Variants in GALNTL6 observed in about 807,000 individuals in gnomAD.
The protein encoded by GALNTL6 is polypeptide N-acetylgalactosaminyltransferase like 6, also known as polypeptide N-acetylgalactosaminyltransferase-like 6.
Under a neutral mutation model 73.7 loss-of-function variants are expected in GALNTL6, and 46 were observed. That is an observed-to-expected ratio of 0.62 (90% CI 0.49 to 0.80). The LOEUF (loss-of-function observed/expected upper bound fraction) is 0.80. Among genes scored for constraint, GALNTL6 ranks in the 30% least tolerant of loss-of-function variants. GALNTL6 has a pLI of 0.00. For synonymous variants in GALNTL6, 259 were observed against 263.7 expected (o/e 0.98, Z 0.17); for missense variants, 604 against 755.0 (o/e 0.80, Z 2.34).
intron 5 of GALNTL6, among the ~76,000 whole-genome samples, chr4:172,361,489 AC>A (rs1742367950): frequency 6.6e-6 from 1 of 152,166 alleles, no homozygotes; most frequent in Non-Finnish European, 1.5e-5. Context: ...ACAGTATTTC[AC>A]ATTAATGCTG....
At chr4:172,868,880 CT>C (rs1357949496) in intron 7 of GALNTL6, among the ~76,000 whole-genome samples, 1 of 152,160 alleles carries the variant, frequency 6.6e-6, no homozygotes, top group African/African-American at 2.4e-5. Flanking sequence ...AATCCTGGGA[CT>C]GGAGGGCACT....
At chr4:172,444,093 G>A (rs1731934587) in intron 5 of GALNTL6, among the ~76,000 whole-genome samples, 2 of 152,158 alleles carry the variant, frequency 1.3e-5, no homozygotes, top group South Asian at 4.1e-4. Flanking sequence ...TGGAGATGGT[G>A]AGAGAGAGAA....
At position 172,678,975 on chromosome 4, in the gene GALNTL6, C is replaced by T. The variant is rs575582626; in HGVS notation, c.554-130386C>T. On this transcript the variant is annotated intron_variant, in intron 5 of 12. Coordinates refer to ENST00000506823, the MANE Select transcript of GALNTL6 (RefSeq NM_001034845.3). The stretch of plus-strand genomic sequence containing the variant: ...CAACTACTCAATTTGTCCATAGCAA[C>T]GTGAACACAGCCATGAACAATATAA... Among the ~76,000 whole-genome samples the T allele has an allele frequency of 7.2e-5, 11 of 152,228 alleles. No individual in the cohort carries two copies. The South Asian group carries it at 1.9e-3, about 26-fold the overall frequency.
chr4:171,900,606 G>T (rs1382832849), intron 2 of GALNTL6, among the ~76,000 whole-genome samples: 2 of 151,768 alleles, frequency 1.3e-5, no homozygotes, highest in East Asian at 3.9e-4. Flanking sequence ...GTGTGAGCCA[G>T]CGCTATTTTA....
chr4:171,930,709 T>TCC (rs1738155843), intron 2 of GALNTL6, among the ~76,000 whole-genome samples: 1 of 151,948 alleles, frequency 6.6e-6, no homozygotes, highest in South Asian at 2.1e-4. Flanking sequence ...GGTGGTGGGC[T>TCC]CCTGTAGTCC....
At chr4:172,102,770 A>ATGAG (rs1732554506) in intron 2 of GALNTL6, among the ~76,000 whole-genome samples, 1 of 152,178 alleles carries the variant, frequency 6.6e-6, no homozygotes, top group Non-Finnish European at 1.5e-5. Context: ...TTACTCTGAC[A>ATGAG]CTTCTCGCTA....
chr4:172,421,411 A>G (rs1346162812), intron 5 of GALNTL6, among the ~76,000 whole-genome samples: 3 of 152,074 alleles, frequency 2.0e-5, no homozygotes, highest in Non-Finnish European at 2.9e-5. Flanking sequence ...GTGCTATAAT[A>G]TGCTGGATAC....
intron 5 of GALNTL6, among the ~76,000 whole-genome samples, chr4:172,527,458 G>C (rs1429446510): frequency 1.3e-5 from 2 of 152,172 alleles, no homozygotes; most frequent in Non-Finnish European, 1.5e-5. Context: ...GCTATGGCCA[G>C]GAGAAGACTG....
chr4:172,250,531 T>A (rs1278053872), intron 3 of GALNTL6, among the ~76,000 whole-genome samples: 2 of 152,118 alleles, frequency 1.3e-5, no homozygotes, highest in South Asian at 4.1e-4. Flanking sequence ...TTAATTCCTA[T>A]AATCCCCACA....
chr4:172,348,774 T>G, intron 5 of GALNTL6, 85 bp downstream of exon 5: 1 of 786,206 alleles, frequency 1.3e-6, no homozygotes, highest in African/African-American at 1.8e-5. Context: ...CAATGGGAGC[T>G]TCTTTCTGAT....
intron 3 of GALNTL6, among the ~76,000 whole-genome samples, chr4:172,293,548 T>C (rs2111104793): frequency 6.6e-6 from 1 of 152,208 alleles, no homozygotes; most frequent in Non-Finnish European, 1.5e-5. Flanking sequence ...TAACTAGAAC[T>C]AATGAGAATG....
At chr4:171,856,248 G>T (rs1167888281) in intron 2 of GALNTL6, among the ~76,000 whole-genome samples, 7 of 150,066 alleles carry the variant, frequency 4.7e-5, no homozygotes, top group Non-Finnish European at 1.0e-4. Flanking sequence ...GGTTACAGGT[G>T]CCCACCACCA....
intron 2 of GALNTL6, among the ~76,000 whole-genome samples, chr4:171,990,062 G>A (rs1740290219): frequency 6.6e-6 from 1 of 152,152 alleles, no homozygotes; most frequent in Admixed American, 6.5e-5. Context: ...TTATAGGGTG[G>A]AGGAGTGGAG....
At chr4:172,089,403 C>A (rs1732134977) in intron 2 of GALNTL6, among the ~76,000 whole-genome samples, 1 of 152,124 alleles carries the variant, frequency 6.6e-6, no homozygotes, top group Non-Finnish European at 1.5e-5. Context: ...CATGCACAAG[C>A]CATCACGGTG....
At chr4:172,069,518 A>ATGTG in intron 2 of GALNTL6, among the ~76,000 whole-genome samples, 1 of 42,322 alleles carries the variant, frequency 2.4e-5, no homozygotes, top group Non-Finnish European at 5.8e-5. Flanking sequence ...CATATATGTT[A>ATGTG]TATGTATAAC....
At chr4:171,969,727 G>C (rs1410273671) in intron 2 of GALNTL6, among the ~76,000 whole-genome samples, 2 of 151,648 alleles carry the variant, frequency 1.3e-5, no homozygotes, top group Non-Finnish European at 2.9e-5. Context: ...AAAACTAAAT[G>C]GAGGCAAACA....
At chr4:172,617,112 A>G (rs1169014682) in intron 5 of GALNTL6, among the ~76,000 whole-genome samples, 1 of 151,880 alleles carries the variant, frequency 6.6e-6, no homozygotes, top group East Asian at 1.9e-4. Context: ...TCTCCTGCAT[A>G]AGTAGGTAGA....
At chr4:172,429,213 A>ATTTTATTTTATTTT (rs1731349003) in intron 5 of GALNTL6, among the ~76,000 whole-genome samples, 2 of 146,224 alleles carry the variant, frequency 1.4e-5, no homozygotes, top group South Asian at 4.3e-4. Flanking sequence ...ATTTTATTTT[A>ATTTTATTTTATTTT]TTTTATTTTA....
chr4:171,941,011 A>T (rs1738524422), intron 2 of GALNTL6, among the ~76,000 whole-genome samples: 2 of 152,022 alleles, frequency 1.3e-5, no homozygotes, highest in African/African-American at 4.8e-5. Context: ...AAAAAAATTT[A>T]AAAGTCAGGA....
Sources: allele counts gnomAD v4.1 joint callset (sites outside exome capture counted in the v4.1 genomes callset), GRCh38; gene constraint gnomAD v4.1.1; transcripts MANE v1.5; gene names NCBI Gene and HGNC (gene_info 2026-07-23, HGNC 2026-07-21).